The following DNM3 variants were observed in gnomAD, a reference collection of about 807,000 sequenced individuals.
DNM3 encodes the protein dynamin-3.
A neutral mutation model predicts 101.6 loss-of-function variants in DNM3; 47 were observed. That is an observed-to-expected ratio of 0.46 (90% CI 0.37 to 0.59). The LOEUF is 0.59. Among genes scored for constraint, DNM3 ranks in the 20% least tolerant of loss-of-function variants. The pLI is 0.00. For synonymous variants in DNM3, 385 were observed against 387.9 expected, an observed-to-expected ratio of 0.99 and a Z score of 0.09; for missense variants, 849 against 1,085.7, an observed-to-expected ratio of 0.78 and a Z score of 3.06.
intron 1 of DNM3, among the ~76,000 whole-genome samples, chr1:171,856,175 G>A (rs1434897610): frequency 4.6e-5 from 7 of 152,122 alleles, no homozygotes; most frequent in South Asian, 2.1e-4. Flanking sequence ...TCAGATAGTC[G>A]TAGGTGTGTG....
intron 14 of DNM3, among the ~76,000 whole-genome samples, chr1:172,159,253 T>C (rs1291668923): frequency 6.6e-6 from 1 of 152,118 alleles, no homozygotes; most frequent in Non-Finnish European, 1.5e-5. Context: ...GTGTGAGTCC[T>C]ACTAGATTCA....
At chr1:171,969,969 C>A (rs948182304) in intron 2 of DNM3, among the ~76,000 whole-genome samples, 1 of 152,024 alleles carries the variant, frequency 6.6e-6, no homozygotes, top group Non-Finnish European at 1.5e-5. Flanking sequence ...ACAGCAGATT[C>A]TCAGTCATTT....
At position 172,387,231 on chromosome 1, in the gene DNM3, G is replaced by A. The variant is rs754060305; in HGVS notation, c.2157G>A (p.Arg719=). Residue 719 remains arginine, a synonymous_variant, in exon 19 of 21, where the codon CGG becomes CGA. Coordinates refer to ENST00000627582, the MANE Select transcript of DNM3 (RefSeq NM_015569.5). Reference sequence around the variant, plus strand: ...AATCTGCTGAGCAGGCTCAGCGCCGGGATGAGATGCTTCGAATGTATCAAG... The same window carrying A: ...AATCTGCTGAGCAGGCTCAGCGCCGAGATGAGATGCTTCGAATGTATCAAG... ...MEESAEQAQR[R]DEMLRMYQAL... is the part of the protein sequence containing the mutation. The A allele has an allele frequency of 6.8e-6, 11 of 1,613,850 alleles. No homozygotes were observed. The highest frequency in any genetic ancestry group is 1.3e-5 in the African/African-American group (1 of 74,908).
chr1:172,407,878 T>TTCACAAA lies in DNM3; in HGVS notation c.*38_*39insCACAAAT. 1 of 1,612,588 alleles carries TTCACAAA rather than the reference T, an allele frequency of 6.2e-7. No individual in the cohort carries two copies. The highest frequency in any genetic ancestry group is 2.2e-5 in the East Asian group (1 of 44,864). ...GGCATGGCAATTAATCACTAATGAA[T>TTCACAAA]TATGCGAAAGCAACATATTTGATAA... On this transcript the variant is annotated 3_prime_UTR_variant, in exon 21 of 21. Transcript: ENST00000627582.
At chr1:172,176,028 A>G (rs938228104) in intron 14 of DNM3, among the ~76,000 whole-genome samples, 2 of 151,760 alleles carry the variant, frequency 1.3e-5, no homozygotes, top group African/African-American at 4.8e-5. Context: ...TCCATATTTG[A>G]ATCCGTAGAA....
intron 14 of DNM3, among the ~76,000 whole-genome samples, chr1:172,251,878 T>C (rs1317699692): frequency 6.6e-6 from 1 of 152,136 alleles, no homozygotes; most frequent in Non-Finnish European, 1.5e-5. Context: ...TTTGATTATG[T>C]ATTGGATAGA....
chr1:171,898,001 G>C (rs150247245), intron 1 of DNM3, among the ~76,000 whole-genome samples: 14 of 152,034 alleles, frequency 9.2e-5, no homozygotes, highest in Non-Finnish European at 1.8e-4. Context: ...ACATTTTCAG[G>C]ATTTAATTAG....
chr1:172,171,109 A>G (rs955947702), intron 14 of DNM3, among the ~76,000 whole-genome samples: 2 of 151,656 alleles, frequency 1.3e-5, no homozygotes, highest in African/African-American at 4.8e-5. Context: ...TTTGTGCCTC[A>G]AAGGACATAC....
chr1:172,214,314 G>A (rs1382140055), intron 14 of DNM3, among the ~76,000 whole-genome samples: 1 of 152,006 alleles, frequency 6.6e-6, no homozygotes, highest in African/African-American at 2.4e-5. Flanking sequence ...AGTTTAGGAG[G>A]GATAGCATTA....
At chr1:172,413,805 T>C (rs1233502601), downstream of DNM3, among the ~76,000 whole-genome samples, 1 of 152,234 alleles carries the variant, frequency 6.6e-6, no homozygotes, top group Non-Finnish European at 1.5e-5. Context: ...ATTTACTCTT[T>C]CCTGTGGGAT....
intron 20 of DNM3, among the ~76,000 whole-genome samples, chr1:172,400,275 G>A (rs531691022): frequency 6.6e-6 from 1 of 152,242 alleles, no homozygotes; most frequent in African/African-American, 2.4e-5. Flanking sequence ...GGTGCCTGAA[G>A]TGGGAGTGAC....
intron 1 of DNM3, among the ~76,000 whole-genome samples, chr1:171,859,212 C>T (rs2033928539): frequency 6.6e-6 from 1 of 152,068 alleles, no homozygotes; most frequent in Admixed American, 6.6e-5. Flanking sequence ...CCTTTGTTCA[C>T]GTTGTTATTG....
At chr1:172,252,930 G>A (rs2148684785) in intron 14 of DNM3, among the ~76,000 whole-genome samples, 1 of 152,170 alleles carries the variant, frequency 6.6e-6, no homozygotes, top group Admixed American at 6.5e-5. Flanking sequence ...TTTCCCCAAA[G>A]AGCTCAACAA....
chr1:171,991,723 C>A (rs755372670), intron 4 of DNM3, among the ~76,000 whole-genome samples: 4 of 152,192 alleles, frequency 2.6e-5, no homozygotes, highest in Non-Finnish European at 5.9e-5. Flanking sequence ...TTTCTAGTGA[C>A]CAGTCCACTT....
intron 17 of DNM3, among the ~76,000 whole-genome samples, chr1:172,356,096 G>C (rs2067439178): frequency 6.6e-6 from 1 of 152,046 alleles, no homozygotes; most frequent in African/African-American, 2.4e-5. Context: ...TGAATACCTA[G>C]TTAAAGGATT....
intron 20 of DNM3, among the ~76,000 whole-genome samples, chr1:172,399,647 TA>T (rs1301932911): frequency 1.3e-5 from 2 of 152,118 alleles, no homozygotes; most frequent in African/African-American, 4.8e-5. Flanking sequence ...CTGTTTGCTT[TA>T]AAAAATTTTG....
Position 171,987,726 on chromosome 1 carries a change from A to G in DNM3, c.306A>G (p.Glu102=). 1.9e-6 allele frequency: 3 copies of G among 1,603,802 alleles called. No individual in the cohort carries two copies. The highest frequency in any genetic ancestry group is 1.1e-5 in the South Asian group (1 of 88,940). ...TTGATGAAGTTCGCCTTGAGATTGAAGCAGAAACAGATCGCGTGACTGGAA... is the reference window on the plus strand; with the variant it reads ...TTGATGAAGTTCGCCTTGAGATTGAGGCAGAAACAGATCGCGTGACTGGAA... ...TDFDEVRLEI[E]AETDRVTGMN... The change falls in exon 3 of 21, where the codon GAA becomes GAG. Residue 102 remains glutamate, a synonymous_variant. Coordinates refer to ENST00000627582, the MANE Select transcript of DNM3 (RefSeq NM_015569.5).
intron 13 of DNM3, among the ~76,000 whole-genome samples, chr1:172,114,688 C>T (rs1408139092): frequency 6.6e-6 from 1 of 152,058 alleles, no homozygotes; most frequent in African/African-American, 2.4e-5. Flanking sequence ...CTCATTTGTC[C>T]TCCAACAGTA....
intron 13 of DNM3, among the ~76,000 whole-genome samples, chr1:172,094,631 GA>G (rs1367984858): frequency 6.6e-6 from 1 of 152,158 alleles, no homozygotes; most frequent in Non-Finnish European, 1.5e-5. Context: ...TATACATAAT[GA>G]GGTTTGCAGC....
Sources: allele counts gnomAD v4.1 joint callset (sites outside exome capture counted in the v4.1 genomes callset), GRCh38; gene constraint gnomAD v4.1.1; transcripts MANE v1.5; gene names NCBI Gene and HGNC (gene_info 2026-07-23, HGNC 2026-07-21).